Variants in NRXN1 observed in about 807,000 individuals in gnomAD.
NRXN1 encodes neurexin-1.
NRXN1 carries 39 observed loss-of-function variants against 150.9 expected under a neutral mutation model. That is an observed-to-expected ratio of 0.26 (90% CI 0.20 to 0.34). The LOEUF (loss-of-function observed/expected upper bound fraction) is 0.34, where lower values mean the gene tolerates loss of function less well. NRXN1 is among the 10% of genes least tolerant of loss of function. The probability of loss-of-function intolerance (pLI) is 1.00; values close to 1 mark genes in which losing one functional copy is unlikely to be tolerated. For synonymous variants in NRXN1, 924 were observed against 757.0 expected, an observed-to-expected ratio of 1.22 and a Z score of -3.62; for missense variants, 1,815 against 1,949.9, an observed-to-expected ratio of 0.93 and a Z score of 1.30.
intron 5 of NRXN1, among the ~76,000 whole-genome samples, chr2:50,625,852 T>C (rs760335771): frequency 6.6e-6 from 1 of 152,066 alleles, no homozygotes; most frequent in African/African-American, 2.4e-5. Context: ...TGGTGATAAA[T>C]AGTCAATGTC....
At chr2:51,002,735 C>T (rs946389060) in intron 2 of NRXN1, among the ~76,000 whole-genome samples, 2 of 151,780 alleles carry the variant, frequency 1.3e-5, no homozygotes, top group Admixed American at 6.6e-5. Context: ...GTGTTATTTT[C>T]TTTGCTACTT....
At chr2:49,980,667 A>G (rs950309910) in intron 21 of NRXN1, among the ~76,000 whole-genome samples, 4 of 152,170 alleles carry the variant, frequency 2.6e-5, no homozygotes, top group Non-Finnish European at 5.9e-5. Flanking sequence ...AGCATTTAGA[A>G]TAGGATGACC....
intron 18 of NRXN1, among the ~76,000 whole-genome samples, chr2:50,144,539 T>C (rs563791944): frequency 6.6e-6 from 1 of 151,886 alleles, no homozygotes; most frequent in East Asian, 1.9e-4. Context: ...TCATTTATAA[T>C]AGAGGGGGAA....
At chr2:50,916,393 T>C (rs911633698) in intron 5 of NRXN1, among the ~76,000 whole-genome samples, 8 of 151,416 alleles carry the variant, frequency 5.3e-5, no homozygotes, top group Non-Finnish European at 1.2e-4. Flanking sequence ...CTAAAGACTA[T>C]AGAAAATTAC....
At chr2:51,007,317 T>G (rs1324346707) in intron 2 of NRXN1, among the ~76,000 whole-genome samples, 1 of 151,880 alleles carries the variant, frequency 6.6e-6, no homozygotes, top group Admixed American at 6.6e-5. Context: ...ACAATACTTA[T>G]TTGGAAGTCC....
intron 5 of NRXN1, among the ~76,000 whole-genome samples, chr2:50,758,549 C>T (rs887069402): frequency 7.9e-5 from 12 of 151,938 alleles, no homozygotes; most frequent in African/African-American, 2.7e-4. Context: ...CTCAAGCAAT[C>T]CTTCTGCTTC....
At chr2:50,321,693 A>C (rs1278602107) in intron 17 of NRXN1, among the ~76,000 whole-genome samples, 1 of 152,104 alleles carries the variant, frequency 6.6e-6, no homozygotes, top group African/African-American at 2.4e-5. Context: ...AATTGGGGAA[A>C]ATGACAAAAA....
At chr2:50,085,212 A>G (rs980496067) in intron 19 of NRXN1, among the ~76,000 whole-genome samples, 4 of 152,312 alleles carry the variant, frequency 2.6e-5, no homozygotes, top group South Asian at 2.1e-4. Context: ...AAAAACCACC[A>G]GAAAAAAAAT....
intron 15 of NRXN1, among the ~76,000 whole-genome samples, chr2:50,491,285 AG>A (rs2091238436): frequency 6.6e-6 from 1 of 152,218 alleles, no homozygotes; most frequent in Non-Finnish European, 1.5e-5. Context: ...TGTTATATTC[AG>A]GATTGGAGAG....
chr2:50,736,831 G>A (rs1382822775), intron 5 of NRXN1, among the ~76,000 whole-genome samples: 4 of 152,116 alleles, frequency 2.6e-5, no homozygotes, highest in African/African-American at 9.7e-5. Context: ...ATCAAAGAGG[G>A]CAGAAACCAT....
intron 2 of NRXN1, among the ~76,000 whole-genome samples, chr2:50,966,532 G>A (rs1375976006): frequency 6.6e-6 from 1 of 151,636 alleles, no homozygotes; most frequent in Non-Finnish European, 1.5e-5. Context: ...ACTCTCTTCA[G>A]GTTAGATGCT....
intron 5 of NRXN1, among the ~76,000 whole-genome samples, chr2:50,646,708 CTTTTTTTTTTTTTT>C (rs552231598): frequency 1.9e-5 from 2 of 107,438 alleles, no homozygotes; most frequent in Non-Finnish European, 3.7e-5. Flanking sequence ...TTCATGTTGT[CTTTTTTTTTTTTTT>C]TTTTTTTCTC....
At chr2:50,409,631 C>G (rs1478658934) in intron 17 of NRXN1, among the ~76,000 whole-genome samples, 1 of 152,180 alleles carries the variant, frequency 6.6e-6, no homozygotes, top group Non-Finnish European at 1.5e-5. Flanking sequence ...TTAAAGAACA[C>G]TCGACTTGGA....
chr2:50,292,499 C>T (rs916630120), intron 17 of NRXN1, among the ~76,000 whole-genome samples: 1 of 152,090 alleles, frequency 6.6e-6, no homozygotes, highest in African/African-American at 2.4e-5. Context: ...CCTCTTTAAC[C>T]ACTGGTCAAA....
At chr2:50,142,237 T>C (rs945848001) in intron 18 of NRXN1, among the ~76,000 whole-genome samples, 12 of 151,870 alleles carry the variant, frequency 7.9e-5, no homozygotes, top group Non-Finnish European at 1.8e-4. Flanking sequence ...CTCACACATA[T>C]GTGGGAGCTA....
At chr2:50,776,952 C>T (rs1006558527) in intron 5 of NRXN1, among the ~76,000 whole-genome samples, 1 of 152,152 alleles carries the variant, frequency 6.6e-6, no homozygotes, top group Non-Finnish European at 1.5e-5. Context: ...CACGTAAGTA[C>T]ATGCTGAAAT....
At chr2:50,920,201 T>C (rs1021389162) in intron 5 of NRXN1, among the ~76,000 whole-genome samples, 2 of 151,756 alleles carry the variant, frequency 1.3e-5, no homozygotes, top group Non-Finnish European at 2.9e-5. Flanking sequence ...TCCTGTCCTC[T>C]GTGTCTTTGT....
chr2:50,448,032 T>A (rs1306193827), intron 17 of NRXN1, among the ~76,000 whole-genome samples: 2 of 151,898 alleles, frequency 1.3e-5, no homozygotes, highest in Non-Finnish European at 1.5e-5. Context: ...TACTGCACTT[T>A]AGTCAGTGAA....
intron 16 of NRXN1, among the ~76,000 whole-genome samples, chr2:50,469,663 C>T (rs1333313869): frequency 6.6e-6 from 1 of 151,080 alleles, no homozygotes; most frequent in East Asian, 2.0e-4. Flanking sequence ...TTCCTAGAAA[C>T]TATACAGGTC....
Sources: gnomAD v4.1 joint callset for allele counts (sites outside exome capture counted in the v4.1 genomes callset) on GRCh38, gnomAD v4.1.1 for gene constraint, MANE v1.5 for transcripts, NCBI Gene and HGNC (gene_info 2026-07-23, HGNC 2026-07-21) for gene names.